IGF2BP3: variants seen among roughly 807,000 people sequenced by gnomAD.
IGF2BP3 encodes insulin like growth factor 2 mRNA binding protein 3, also known as insulin-like growth factor 2 mRNA-binding protein 3.
Under a neutral mutation model 73.8 loss-of-function variants are expected in IGF2BP3, and 9 were observed. That is an observed-to-expected ratio of 0.12 (90% confidence interval 0.07 to 0.21). IGF2BP3 has a LOEUF of 0.21. IGF2BP3 is among the 10% of genes least tolerant of loss of function. IGF2BP3 has a pLI of 1.00. For synonymous variants in IGF2BP3, 258 were observed against 256.7 expected (o/e 1.01, Z -0.05); for missense variants, 542 against 714.0 (o/e 0.76, Z 2.75).
At chr7:23,416,196 C>G (rs1297268692) in intron 3 of IGF2BP3, 1 of 152,060 alleles carries the variant, frequency 6.6e-6, no homozygotes, top group Admixed American at 6.6e-5. Context: ...AATTCCAAGT[C>G]TGACCTCAAG....
At chr7:23,396,451 A>C (rs1786467921) in intron 3 of IGF2BP3, 1 of 183,736 alleles carries the variant, frequency 5.4e-6, no homozygotes, top group African/African-American at 2.3e-5. Flanking sequence ...AAGTCAAATA[A>C]TGAAATCACC....
At chr7:23,431,177 G>A (rs1481618419) in intron 2 of IGF2BP3, 4 of 152,192 alleles carry the variant, frequency 2.6e-5, no homozygotes, top group Admixed American at 2.0e-4. Context: ...ACCGTGATGA[G>A]CACTGGCTGG....
At chr7:23,378,401 G>GTTTTTTTTTTTTTTTTTTTTTT (rs373876363) in intron 3 of IGF2BP3, among the ~76,000 whole-genome samples, 4 of 128,066 alleles carry the variant, frequency 3.1e-5, no homozygotes, top group African/African-American at 1.1e-4. Flanking sequence ...TCTCTTCTTG[G>GTTTTTTTTTTTTTTTTTTTTTT]TTTTTTTTTG....
At chr7:23,390,711 G>A (rs1444862084) in intron 3 of IGF2BP3, among the ~76,000 whole-genome samples, 1 of 151,912 alleles carries the variant, frequency 6.6e-6, no homozygotes, top group East Asian at 1.9e-4. Context: ...GGAATGCCAA[G>A]ACCACAACTG....
intron 6 of IGF2BP3, among the ~76,000 whole-genome samples, chr7:23,349,297 T>C (rs916353558): frequency 6.6e-6 from 1 of 152,212 alleles, no homozygotes; most frequent in African/African-American, 2.4e-5. Context: ...AGATTTGGCT[T>C]TCATTTTCCT....
intron 10 of IGF2BP3, among the ~76,000 whole-genome samples, chr7:23,335,305 C>T (rs1214090129): frequency 6.7e-6 from 1 of 149,158 alleles, no homozygotes; most frequent in African/African-American, 2.5e-5. Flanking sequence ...TTTTTTTGGA[C>T]AAGGTCTCAC....
In IGF2BP3 at chr7:23,470,152, G is replaced by A; in HGVS notation, c.-42C>T. ...TTAAAAAAAAATAACGAGAAAAAAC[G>A]AAAAATTAAAACCACCCACGGTGAT... is the stretch of plus-strand genomic sequence containing the variant. On this transcript the variant is annotated 5_prime_UTR_variant, in exon 1 of 15. Transcript: ENST00000258729. The A allele has an allele frequency of 6.5e-7, 1 of 1,543,620 alleles. No individual in the cohort carries two copies. Among genetic ancestry groups the A allele is most frequent in the South Asian group, 1.2e-5 (1 of 82,726 alleles).
At chr7:23,468,647 C>G in intron 1 of IGF2BP3, 105 bp from the exon 2 acceptor site, 1 of 1,148,936 alleles carries the variant, frequency 8.7e-7, no homozygotes, top group Non-Finnish European at 1.3e-6. Context: ...CTGAGGCCCT[C>G]GAAGGGCCCC....
chr7:23,399,736 T>A (rs569523560), intron 3 of IGF2BP3, among the ~76,000 whole-genome samples: 2 of 152,194 alleles, frequency 1.3e-5, no homozygotes, highest in South Asian at 4.1e-4. Context: ...ATAATACACC[T>A]CTCCTCCACC....
intron 10 of IGF2BP3, among the ~76,000 whole-genome samples, chr7:23,326,694 T>A (rs1181533401): frequency 7.0e-6 from 1 of 142,142 alleles, no homozygotes; most frequent in Non-Finnish European, 1.5e-5. Context: ...TAGACTGGAT[T>A]AAGAAAATGT....
chr7:23,392,357 C>G (rs1239119667), intron 3 of IGF2BP3, among the ~76,000 whole-genome samples: 1 of 149,042 alleles, frequency 6.7e-6, no homozygotes, highest in Non-Finnish European at 1.5e-5. Context: ...CAAGAAAAGG[C>G]TGATTCAGTA....
At chr7:23,371,526 C>G (rs574147978) in intron 3 of IGF2BP3, among the ~76,000 whole-genome samples, 1 of 152,210 alleles carries the variant, frequency 6.6e-6, no homozygotes, top group African/African-American at 2.4e-5. Flanking sequence ...AAAGAAATAT[C>G]CACCTTAATG....
At chr7:23,361,377 C>G (rs1330540055) in intron 5 of IGF2BP3, 157 bp downstream of exon 5, 1 of 586,844 alleles carries the variant, frequency 1.7e-6, no homozygotes, top group African/African-American at 1.9e-5. Flanking sequence ...ACTAGACATT[C>G]AAACTTAAAA....
chr7:23,462,570 G>A (rs1201943568), intron 2 of IGF2BP3, among the ~76,000 whole-genome samples: 1 of 152,084 alleles, frequency 6.6e-6, no homozygotes, highest in Non-Finnish European at 1.5e-5. Context: ...CACCGTGTTA[G>A]CCAGGATGGT....
intron 2 of IGF2BP3, among the ~76,000 whole-genome samples, chr7:23,451,696 C>G (rs2128548663): frequency 6.6e-6 from 1 of 152,166 alleles, no homozygotes; most frequent in Admixed American, 6.5e-5. Context: ...CGCCTGTATT[C>G]ACAACACCTT....
intron 10 of IGF2BP3, among the ~76,000 whole-genome samples, chr7:23,324,156 A>G (rs1250360592): frequency 3.9e-5 from 6 of 152,170 alleles, no homozygotes; most frequent in African/African-American, 1.4e-4. Flanking sequence ...AGGATCAACA[A>G]AATTGATAGA....
At chr7:23,424,043 G>A (rs866613461) in intron 2 of IGF2BP3, among the ~76,000 whole-genome samples, 11 of 152,224 alleles carry the variant, frequency 7.2e-5, no homozygotes, top group East Asian at 3.9e-4. Flanking sequence ...GCTTGAACCC[G>A]GGAGACGGAG....
At chr7:23,435,665 C>T (rs1210401869) in intron 2 of IGF2BP3, among the ~76,000 whole-genome samples, 3 of 152,122 alleles carry the variant, frequency 2.0e-5, no homozygotes, top group Non-Finnish European at 2.9e-5. Flanking sequence ...ACCATGTTGG[C>T]CAGGATGGTC....
chr7:23,389,684 A>G (rs181934664), intron 3 of IGF2BP3, among the ~76,000 whole-genome samples: 1 of 152,248 alleles, frequency 6.6e-6, no homozygotes, highest in East Asian at 1.9e-4. Flanking sequence ...AGCCATGAAT[A>G]GAACTGAGAG....
Sources: allele counts gnomAD v4.1 joint callset (sites outside exome capture counted in the v4.1 genomes callset), GRCh38; gene constraint gnomAD v4.1.1; transcripts MANE v1.5; gene names NCBI Gene and HGNC (gene_info 2026-07-23, HGNC 2026-07-21).